UBR1: variants seen among roughly 807,000 people sequenced by gnomAD.
UBR1 encodes the protein E3 ubiquitin-protein ligase UBR1.
Under a neutral mutation model 242.1 loss-of-function variants are expected in UBR1, and 102 were observed. That is an observed-to-expected ratio of 0.42 (90% CI 0.36 to 0.50). The LOEUF is 0.50. UBR1 is among the 20% of genes least tolerant of loss of function. The pLI, the probability that UBR1 is intolerant of heterozygous loss-of-function variation, is 0.01. For synonymous variants in UBR1, 675 were observed against 684.8 expected (o/e 0.99, Z 0.22); for missense variants, 1,772 against 2,101.8 (o/e 0.84, Z 3.07).
In UBR1 at chr15:42,950,256, T is replaced by C. The variant is rs747445638; in HGVS notation, c.5108+6A>G. On this transcript the variant is annotated splice_donor_region_variant and intron_variant, in intron 46 of 46. Transcript: ENST00000290650. The stretch of plus-strand genomic sequence containing the variant: ...AAACCTTCCTATTATATAAAAAAAA[T>C]CTTACTTCAGGCCAGGGTCTGTTTC... 1 of 1,613,158 alleles carries C rather than the reference T, an allele frequency of 6.2e-7. No individual in the cohort carries two copies. The highest frequency in any genetic ancestry group is 1.7e-5 in the Admixed American group (1 of 60,014).
At chr15:43,091,761 G>A (rs1309082713) in intron 1 of UBR1, among the ~76,000 whole-genome samples, 1 of 151,612 alleles carries the variant, frequency 6.6e-6, no homozygotes, top group African/African-American at 2.4e-5. Flanking sequence ...GTGAAACCCC[G>A]TCTCTACTAA....
At chr15:42,967,801 AAAAG>A (rs2032134365) in intron 40 of UBR1, among the ~76,000 whole-genome samples, 1 of 151,956 alleles carries the variant, frequency 6.6e-6, no homozygotes. Context: ...AACTTAAAAA[AAAAG>A]AAAGACTGGT....
chr15:42,991,340 C>T (rs1036226258), intron 33 of UBR1, among the ~76,000 whole-genome samples: 1 of 151,806 alleles, frequency 6.6e-6, no homozygotes, highest in African/African-American at 2.4e-5. Context: ...GGGCTCAAAG[C>T]ATCCTCCCAC....
At chr15:43,050,008 G>A (rs2033534605) in intron 12 of UBR1, among the ~76,000 whole-genome samples, 1 of 152,084 alleles carries the variant, frequency 6.6e-6, no homozygotes, top group African/African-American at 2.4e-5. Flanking sequence ...TTGGAGTGCA[G>A]TGGTGCAATC....
chr15:42,980,374 A>G (rs547935188), intron 37 of UBR1, among the ~76,000 whole-genome samples: 1 of 152,304 alleles, frequency 6.6e-6, no homozygotes, highest in Non-Finnish European at 1.5e-5. Flanking sequence ...TGGGAAAATC[A>G]TGGGCTTTAT....
rs1332329992 is a variant in UBR1, at chr15:42,950,483, A to G, written c.5007-120T>C. The G allele has an allele frequency of 1.2e-5, 9 of 774,658 alleles. No homozygotes were observed. The African/African-American group carries it at 1.6e-4, about 13-fold the overall frequency. The allele number at this position is 774,658 out of a possible 1,614,324, so 48.0% of individuals were successfully genotyped here. A position where few individuals can be genotyped will look rare whatever the true frequency, so the allele number is the denominator to read the frequency against. On this transcript the variant is annotated intron_variant, in intron 45 of 46. Transcript: ENST00000290650. The stretch of plus-strand genomic sequence containing the variant: ...TATCTGTTAGATATTCAGTAAAAAG[A>G]CAATATAAACAGACAAATAGACTAA...
At chr15:43,063,530 G>A (rs1284427955) in intron 6 of UBR1, among the ~76,000 whole-genome samples, 2 of 152,152 alleles carry the variant, frequency 1.3e-5, no homozygotes, top group Non-Finnish European at 2.9e-5. Context: ...GGAGCCAAGT[G>A]CAGTGGCTCA....
Position 43,067,969 on chromosome 15 carries a change from A to G in UBR1, c.727T>C (p.Tyr243His). 3.7e-6 allele frequency: 6 copies of G among 1,613,608 alleles called. No individual in the cohort carries two copies. Among genetic ancestry groups the G allele is most frequent in the Non-Finnish European group, 2.5e-6 (3 of 1,179,788 alleles). The change falls in exon 6 of 47, where the codon TAC becomes CAC. Residue 243 changes from tyrosine (Y) to histidine (H), a missense_variant. Around this residue, in one of 3 missense-constraint regions of UBR1, gnomAD observed 734 missense variants for 893.3 expected, o/e 0.82. Coordinates refer to ENST00000290650, the MANE Select transcript of UBR1 (RefSeq NM_174916.3). ...DEHHSYDHVI[Y>H]SLQRALDCEL... ...CAGTCAAGAGCTCTTTGTAGGCTGT[A>G]TATGACGTGGTCATATGAATGGTGT...
intron 44 of UBR1, among the ~76,000 whole-genome samples, chr15:42,957,491 G>C (rs2031942197): frequency 6.6e-6 from 1 of 152,098 alleles, no homozygotes; most frequent in African/African-American, 2.4e-5. Context: ...CTTTATCATG[G>C]TTCATTGCAT....
chr15:43,004,989 C>T (rs187610922), intron 30 of UBR1, among the ~76,000 whole-genome samples: 238 of 151,338 alleles, frequency 1.6e-3, no homozygotes, highest in South Asian at 6.9e-3. Flanking sequence ...TCTGCCACGC[C>T]GCCCCATCTG....
intron 21 of UBR1, among the ~76,000 whole-genome samples, chr15:43,029,125 G>GCACACACACACACACACA (rs144923922): frequency 1.0e-3 from 152 of 151,068 alleles, no homozygotes; most frequent in African/African-American, 3.6e-3. Flanking sequence ...ACACACACAC[G>GCACACACACACACACACA]CACACACACA....
chr15:42,998,750 GTTTCA>G (rs1460500432), intron 32 of UBR1, among the ~76,000 whole-genome samples: 1 of 152,080 alleles, frequency 6.6e-6, no homozygotes, highest in African/African-American at 2.4e-5. Flanking sequence ...CTACTCTTGT[GTTTCA>G]TTTAAGTATG....
At chr15:42,965,571 C>T (rs1293417187) in intron 41 of UBR1, among the ~76,000 whole-genome samples, 5 of 151,010 alleles carry the variant, frequency 3.3e-5, no homozygotes, top group Non-Finnish European at 7.4e-5. Context: ...TCAAGTGATT[C>T]TCCCACCTCA....
intron 32 of UBR1, 147 bp downstream of exon 32, chr15:43,002,408 A>T: frequency 1.1e-6 from 1 of 871,576 alleles, no homozygotes. Flanking sequence ...TTTTGTAGAG[A>T]TGGGGTTTTA....
chr15:42,952,016 C>T lies in UBR1; in HGVS notation c.5006+262G>A, dbSNP rs112627017. On this transcript the variant is annotated intron_variant, in intron 45 of 46. Coordinates refer to ENST00000290650, the MANE Select transcript of UBR1 (RefSeq NM_174916.3). ...TTTAGGACTTGAAGTTCTTTCATTACACCTGAGTATTATATAATACCAGAG... is the reference window on the plus strand; with the variant it reads ...TTTAGGACTTGAAGTTCTTTCATTATACCTGAGTATTATATAATACCAGAG... 5.7e-3 allele frequency among the ~76,000 whole-genome samples: 865 copies of T among 152,304 alleles called. 9 individuals are homozygous for T. Among genetic ancestry groups the T allele is most frequent in the African/African-American group, 0.02 (833 of 41,566 alleles).
chr15:43,028,514 A>G (rs138796237), intron 21 of UBR1, among the ~76,000 whole-genome samples: 140 of 152,196 alleles, frequency 9.2e-4, no homozygotes, highest in African/African-American at 3.0e-3. Context: ...TGGGAGGCCG[A>G]GGCGGGTAGA....
At chr15:42,961,601 C>CT (rs1039689478) in intron 42 of UBR1, among the ~76,000 whole-genome samples, 21 of 148,670 alleles carry the variant, frequency 1.4e-4, no homozygotes, top group Middle Eastern at 3.5e-3. Context: ...TTTTGTATTT[C>CT]TTTTTTTTTA....
intron 41 of UBR1, among the ~76,000 whole-genome samples, chr15:42,965,464 C>CA (rs1328141574): frequency 1.2e-4 from 17 of 136,226 alleles, no homozygotes; most frequent in Middle Eastern, 3.8e-3. Flanking sequence ...GTCATATGTA[C>CA]TTTTTTTTTT....
chr15:42,977,805 G>C, intron 38 of UBR1, 75 bp downstream of exon 38: 1 of 1,263,630 alleles, frequency 7.9e-7, no homozygotes, highest in East Asian at 2.3e-5. Context: ...CTTGAACAAA[G>C]GGCATGAATT....
Sources: gnomAD v4.1 joint callset for allele counts (sites outside exome capture counted in the v4.1 genomes callset) on GRCh38, gnomAD v4.1.1 for gene constraint, gnomAD v4.1.1 regional missense constraint, MANE v1.5 for transcripts, NCBI Gene and HGNC (gene_info 2026-07-23, HGNC 2026-07-21) for gene names.